The following ALS2 variants were observed in gnomAD, a reference collection of about 807,000 sequenced individuals.
The protein encoded by ALS2 is alsin.
In ALS2, 117 loss-of-function variants were observed where a neutral mutation model predicts 203.4. The ratio of observed to expected loss-of-function variants is 0.58; its 90% CI spans 0.50 to 0.67. ALS2 has a LOEUF of 0.67. ALS2 is among the 30% of genes least tolerant of loss of function. The pLI, the probability that ALS2 is intolerant of heterozygous loss-of-function variation, is 0.00. For synonymous variants in ALS2, 718 were observed against 725.9 expected (o/e 0.99, Z 0.17); for missense variants, 1,715 against 1,989.4 (o/e 0.86, Z 2.62).
chr2:201,729,206 GAAAA>G, intron 13 of ALS2, 23 bp from the exon 14 acceptor site: 7 of 1,308,146 alleles, frequency 5.4e-6, no homozygotes, highest in Admixed American at 2.0e-5. Context: ...AATTAAAGAG[GAAAA>G]AAAAAAAAAG....
intron 7 of ALS2, among the ~76,000 whole-genome samples, chr2:201,751,923 C>T (rs1693089762): frequency 6.6e-6 from 1 of 152,134 alleles, no homozygotes; most frequent in Non-Finnish European, 1.5e-5. Context: ...AATGGAAACA[C>T]CCACTTTTAT....
rs201535843 is a variant in ALS2, at chr2:201,753,226, C to G, written c.1657G>C (p.Val553Leu). The G allele has an allele frequency of 1.2e-6, 2 of 1,614,104 alleles. No individual in the cohort carries two copies. Among genetic ancestry groups the G allele is most frequent in the African/African-American group, 2.7e-5 (2 of 75,058 alleles). Residue 553 changes from valine (V) to leucine (L), a missense_variant, in exon 7 of 34, where the codon GTA (valine) becomes CTA (leucine). By Grantham distance (32) the Val-to-Leu change is conservative. Around this residue, in one of 3 missense-constraint regions of ALS2, gnomAD observed 1,227 missense variants for 1,413.5 expected, o/e 0.87. Transcript: ENST00000264276. ...DVLPRLQPLC[V>L]KCLDGKEVIH... is the part of the protein sequence containing the mutation. Reference sequence around the variant, plus strand: ...ACTTCTTTGCCATCCAGACATTTTACACACAACGGTTGAAGCCTTAAAAAG... The same window carrying G: ...ACTTCTTTGCCATCCAGACATTTTAGACACAACGGTTGAAGCCTTAAAAAG...
At chr2:201,760,307 T>C in intron 4 of ALS2, 1 of 974,346 alleles carries the variant, frequency 1.0e-6, no homozygotes, top group East Asian at 1.1e-4. Flanking sequence ...CAAGACCCCA[T>C]CTCAAAAACA....
chr2:201,749,811 G>T, intron 7 of ALS2, 22 bp from the exon 8 acceptor site: 1 of 1,596,858 alleles, frequency 6.3e-7, no homozygotes, highest in Non-Finnish European at 8.6e-7. Context: ...ACACAGAAAA[G>T]TAGCTAAGCG....
At chr2:201,713,483 G>A (rs1183451611) in intron 25 of ALS2, among the ~76,000 whole-genome samples, 3 of 152,072 alleles carry the variant, frequency 2.0e-5, no homozygotes, top group Non-Finnish European at 4.4e-5. Flanking sequence ...AAGTCCATGA[G>A]GCTGTGTTCA....
intron 10 of ALS2, among the ~76,000 whole-genome samples, chr2:201,742,831 G>C (rs1344710384): frequency 6.6e-6 from 1 of 152,102 alleles, no homozygotes; most frequent in African/African-American, 2.4e-5. Flanking sequence ...CACCACTTTG[G>C]GAGGCCGAGG....
intron 4 of ALS2, 185 bp downstream of exon 4, chr2:201,760,694 CAT>C: frequency 7.1e-7 from 1 of 1,412,876 alleles, no homozygotes; most frequent in Non-Finnish European, 9.2e-7. Context: ...CCAGAACAAA[CAT>C]AAAGAGTGAT....
chr2:201,715,928 A>G (rs1574678348), intron 24 of ALS2, 89 bp from the exon 25 acceptor site: 3 of 1,502,794 alleles, frequency 2.0e-6, no homozygotes, highest in Non-Finnish European at 2.8e-6. Flanking sequence ...ACAACTGAGA[A>G]TGCTTTTTTC....
At chr2:201,741,461 A>G (rs1408759942) in intron 11 of ALS2, 4 of 547,994 alleles carry the variant, frequency 7.3e-6, no homozygotes, top group Non-Finnish European at 9.8e-6. Flanking sequence ...AGAAGAAAAC[A>G]TGATAATTCA....
chr2:201,768,916 A>T lies in ALS2; in HGVS notation c.-31T>A, dbSNP rs886055456. 1.9e-6 allele frequency: 3 copies of T among 1,611,032 alleles called. No individual in the cohort carries two copies. The Admixed American group carries it at 5.0e-5, about 27-fold the overall frequency. ...AGTGGGAACACTCCATCACCAAATC[A>T]TTCCTTCTTTACAGAAAGTCTATCA... On this transcript the variant is annotated 5_prime_UTR_variant, in exon 2 of 34. It removes an upstream start codon present in the reference 5' UTR. Transcript: ENST00000264276.
At chr2:201,723,175 G>A in intron 22 of ALS2, 55 bp from the exon 23 acceptor site, 1 of 1,479,600 alleles carries the variant, frequency 6.8e-7, no homozygotes, top group East Asian at 2.3e-5. Flanking sequence ...AGTAACTTAA[G>A]AGTGCACGCA....
At chr2:201,718,989 G>A (rs940358043) in intron 23 of ALS2, among the ~76,000 whole-genome samples, 1 of 151,636 alleles carries the variant, frequency 6.6e-6, no homozygotes, top group Admixed American at 6.6e-5. Context: ...AAATGAGATA[G>A]AAAACAAAAA....
chr2:201,705,801 T>C (rs1049844666), intron 29 of ALS2, among the ~76,000 whole-genome samples: 1 of 152,054 alleles, frequency 6.6e-6, no homozygotes, highest in Non-Finnish European at 1.5e-5. Context: ...ATATAAAAAT[T>C]AGCTGGGTGC....
intron 4 of ALS2, 142 bp downstream of exon 4, chr2:201,760,739 G>C: frequency 6.9e-7 from 1 of 1,445,766 alleles, no homozygotes; most frequent in Non-Finnish European, 9.1e-7. Context: ...CCTTTATCTA[G>C]GCTTGCCTGA....
intron 8 of ALS2, among the ~76,000 whole-genome samples, chr2:201,747,735 T>C (rs930110223): frequency 6.6e-6 from 1 of 152,106 alleles, no homozygotes; most frequent in East Asian, 1.9e-4. Flanking sequence ...GGGCGTGAGC[T>C]ACCGCGCCCA....
At chr2:201,773,599 A>G (rs533121637) in intron 1 of ALS2, among the ~76,000 whole-genome samples, 5 of 152,224 alleles carry the variant, frequency 3.3e-5, no homozygotes, top group Admixed American at 1.3e-4. Flanking sequence ...GAGAAACCCA[A>G]GAGTACATAT....
intron 21 of ALS2, 144 bp downstream of exon 21, chr2:201,724,151 G>T: frequency 1.2e-6 from 1 of 824,052 alleles, no homozygotes. Context: ...TGTCATAAAA[G>T]AAGGTTCATT....
At chr2:201,711,711 A>G (rs1229095692) in intron 25 of ALS2, among the ~76,000 whole-genome samples, 2 of 152,254 alleles carry the variant, frequency 1.3e-5, no homozygotes, top group Admixed American at 1.3e-4. Flanking sequence ...ATTTTTGGTA[A>G]TAGTGTTCTA....
At chr2:201,746,422 AG>A in intron 9 of ALS2, 143 bp downstream of exon 9, 3 of 877,246 alleles carry the variant, frequency 3.4e-6, no homozygotes, top group Admixed American at 3.5e-5. Context: ...TAAGGAGTGA[AG>A]GGGGCTTGAA....
Sources: allele counts gnomAD v4.1 joint callset (sites outside exome capture counted in the v4.1 genomes callset), GRCh38; gene constraint gnomAD v4.1.1; regional missense constraint gnomAD v4.1.1; transcripts MANE v1.5; gene names NCBI Gene and HGNC (gene_info 2026-07-23, HGNC 2026-07-21).